PPHLN1: variants seen among roughly 807,000 people sequenced by gnomAD.
PPHLN1 encodes the protein periphilin 1, also known as periphilin-1.
Under a neutral mutation model 51.3 loss-of-function variants are expected in PPHLN1, and 29 were observed. That is an observed-to-expected ratio of 0.57 (90% confidence interval 0.42 to 0.77). The LOEUF (loss-of-function observed/expected upper bound fraction) is 0.77. Ranked by LOEUF, PPHLN1 falls within the 30% of genes least tolerant of loss-of-function variation. The pLI, the probability that PPHLN1 is intolerant of heterozygous loss-of-function variation, is 0.00. For synonymous variants in PPHLN1, 147 were observed against 147.8 expected (o/e 0.99, Z 0.04); for missense variants, 436 against 438.4 (o/e 0.99, Z 0.05).
intron 4 of PPHLN1, chr12:42,374,607 ATTTTTTTT>A (rs35683626): frequency 1.2e-5 from 2 of 160,328 alleles, no homozygotes; most frequent in South Asian, 9.2e-5. Context: ...CGCCCAGCTA[ATTTTTTTT>A]TTTTTTTTTT....
At chr12:42,410,246 AAG>A (rs1006467021) in intron 9 of PPHLN1, among the ~76,000 whole-genome samples, 2 of 152,156 alleles carry the variant, frequency 1.3e-5, no homozygotes, top group Admixed American at 6.5e-5. Flanking sequence ...TGTAAAGCAA[AAG>A]AGTAAATAAT....
chr12:42,437,819 A>G (rs564762310), intron 9 of PPHLN1, among the ~76,000 whole-genome samples: 4 of 152,324 alleles, frequency 2.6e-5, no homozygotes, highest in Admixed American at 6.5e-5. Context: ...TGCCTAAGAA[A>G]TGTCCTATGT....
At chr12:42,420,259 C>T (rs940447617) in intron 9 of PPHLN1, among the ~76,000 whole-genome samples, 1 of 151,488 alleles carries the variant, frequency 6.6e-6, no homozygotes, top group African/African-American at 2.4e-5. Context: ...TAATATACTT[C>T]TTAAATAGTG....
At chr12:42,400,107 T>C (rs1163592018) in intron 9 of PPHLN1, 2 of 152,046 alleles carry the variant, frequency 1.3e-5, no homozygotes, top group South Asian at 2.1e-4. Flanking sequence ...ACAAGGGCTT[T>C]GTTTTATCTT....
At chr12:42,418,718 C>A (rs1161236960) in intron 9 of PPHLN1, among the ~76,000 whole-genome samples, 1 of 152,178 alleles carries the variant, frequency 6.6e-6, no homozygotes, top group Non-Finnish European at 1.5e-5. Flanking sequence ...CTAAGTAGTT[C>A]TCCATCATTG....
intron 7 of PPHLN1, among the ~76,000 whole-genome samples, chr12:42,392,147 C>T (rs926686204): frequency 2.0e-5 from 3 of 152,020 alleles, no homozygotes; most frequent in African/African-American, 2.4e-5. Flanking sequence ...ACCCAGGAGG[C>T]GGAGGTTGCA....
intron 8 of PPHLN1, among the ~76,000 whole-genome samples, chr12:42,394,379 C>T (rs1186357547): frequency 6.6e-6 from 1 of 152,076 alleles, no homozygotes; most frequent in East Asian, 1.9e-4. Flanking sequence ...ATATAAAAAT[C>T]CGTCCCGTGA....
chr12:42,348,839 G>GTATT (rs57671775), intron 2 of PPHLN1, among the ~76,000 whole-genome samples: 24,674 of 151,768 alleles, frequency 0.16, 2,038 homozygotes, highest in Admixed American at 0.2. Flanking sequence ...GGGCAGCTTA[G>GTATT]TACTTAAATT....
downstream of PPHLN1, chr12:42,448,392 A>G (rs1338694019): frequency 6.8e-6 from 1 of 146,238 alleles, no homozygotes; most frequent in Non-Finnish European, 1.5e-5. Flanking sequence ...TTAAAGTCTA[A>G]TTTTAGGATG....
chr12:42,398,787 A>G (rs2078521954), intron 8 of PPHLN1, 67 bp from the exon 9 acceptor site: 1 of 1,483,998 alleles, frequency 6.7e-7, no homozygotes, highest in African/African-American at 1.4e-5. Context: ...TAGTGCCTAT[A>G]CACAACCATC....
Position 42,424,898 on chromosome 12 carries a change from GA to G in PPHLN1, c.910-16410del, listed in dbSNP as rs567055616. 2.8e-3 allele frequency among the ~76,000 whole-genome samples: 421 copies of G among 151,318 alleles called. 1 individual carries two copies. Among genetic ancestry groups the G allele is most frequent in the African/African-American group, 8.0e-3 (328 of 41,226 alleles). The stretch of plus-strand genomic sequence containing the variant: ...ACAAAATTGTTACAGAAAACAAAAA[GA>G]AAAAAAGCATAATAACACGTGTAGT... On this transcript the variant is annotated intron_variant, in intron 9 of 9. Coordinates refer to ENST00000358314, the MANE Select transcript of PPHLN1 (RefSeq NM_201439.2).
intron 9 of PPHLN1, among the ~76,000 whole-genome samples, chr12:42,413,005 G>C (rs188922825): frequency 6.6e-6 from 1 of 152,228 alleles, no homozygotes; most frequent in Admixed American, 6.5e-5. Context: ...GTTCCTCGTA[G>C]ATTCTAGATA....
At chr12:42,417,893 A>T (rs1426635833) in intron 9 of PPHLN1, among the ~76,000 whole-genome samples, 2 of 144,498 alleles carry the variant, frequency 1.4e-5, no homozygotes, top group African/African-American at 2.5e-5. Context: ...GCTTCTAAAG[A>T]GGGAAAAAAG....
chr12:42,426,152 G>A (rs1477933108), intron 9 of PPHLN1, among the ~76,000 whole-genome samples: 1 of 135,964 alleles, frequency 7.4e-6, no homozygotes, highest in African/African-American at 2.8e-5. Flanking sequence ...ATAACTTAAA[G>A]TACAGTATTA....
intron 8 of PPHLN1, among the ~76,000 whole-genome samples, chr12:42,397,725 T>TTTA (rs2078383676): frequency 6.7e-6 from 1 of 149,704 alleles, no homozygotes; most frequent in Non-Finnish European, 1.5e-5. Flanking sequence ...CAAACTTCTT[T>TTTA]AAAAAAAAAA....
intron 9 of PPHLN1, among the ~76,000 whole-genome samples, chr12:42,409,255 A>T (rs2079591136): frequency 6.6e-6 from 1 of 152,122 alleles, no homozygotes; most frequent in African/African-American, 2.4e-5. Context: ...AAACCAAAAA[A>T]AATGGACAAC....
At chr12:42,440,315 T>G (rs2082839718) in intron 9 of PPHLN1, among the ~76,000 whole-genome samples, 1 of 152,078 alleles carries the variant, frequency 6.6e-6, no homozygotes, top group African/African-American at 2.4e-5. Context: ...TTAATTGACT[T>G]TTGTATATTA....
intron 9 of PPHLN1, among the ~76,000 whole-genome samples, chr12:42,408,735 A>G (rs940114556): frequency 2.6e-5 from 4 of 152,234 alleles, no homozygotes; most frequent in Non-Finnish European, 5.9e-5. Context: ...TATGTTGCCT[A>G]AGACATTGTC....
At chr12:42,341,749 G>T (rs1247696715) in intron 2 of PPHLN1, among the ~76,000 whole-genome samples, 2 of 152,100 alleles carry the variant, frequency 1.3e-5, no homozygotes, top group Non-Finnish European at 2.9e-5. Context: ...AGCCTCCCGA[G>T]TAGCTGGGAC....
Sources: allele counts gnomAD v4.1 joint callset (sites outside exome capture counted in the v4.1 genomes callset), GRCh38; gene constraint gnomAD v4.1.1; transcripts MANE v1.5; gene names NCBI Gene and HGNC (gene_info 2026-07-23, HGNC 2026-07-21).